ZFR: variants seen among roughly 807,000 people sequenced by gnomAD.
ZFR encodes the protein zinc finger RNA binding protein.
ZFR carries 19 observed loss-of-function variants against 130.7 expected under a neutral mutation model. The ratio of observed to expected loss-of-function variants is 0.15; its 90% CI spans 0.10 to 0.21. ZFR has a LOEUF of 0.21. Among genes scored for constraint, ZFR ranks in the 10% least tolerant of loss-of-function variants. The probability of loss-of-function intolerance (pLI) is 1.00; values close to 1 mark genes in which losing one functional copy is unlikely to be tolerated. For synonymous variants in ZFR, 466 were observed against 456.9 expected (o/e 1.02, Z -0.25); for missense variants, 872 against 1,321.5 (o/e 0.66, Z 5.27).
chr5:32,443,584 C>T (rs1271008636), intron 2 of ZFR, among the ~76,000 whole-genome samples: 1 of 152,382 alleles, frequency 6.6e-6, no homozygotes, highest in African/African-American at 2.4e-5. Flanking sequence ...GAATCTCTCT[C>T]CTTGCAGGAA....
At chr5:32,399,401 T>G (rs1465257110) in intron 9 of ZFR, among the ~76,000 whole-genome samples, 1 of 152,242 alleles carries the variant, frequency 6.6e-6, no homozygotes, top group Non-Finnish European at 1.5e-5. Context: ...TTTATAGATA[T>G]CGACACTGAA....
intron 9 of ZFR, 110 bp downstream of exon 9, chr5:32,399,897 C>A: frequency 9.9e-7 from 1 of 1,010,724 alleles, no homozygotes; most frequent in South Asian, 2.3e-5. Context: ...TTTAAGTAAG[C>A]TAAATCTAAA....
chr5:32,390,150 G>GTC, intron 12 of ZFR, 125 bp downstream of exon 12: 1 of 1,298,184 alleles, frequency 7.7e-7, no homozygotes, highest in South Asian at 1.5e-5. Flanking sequence ...GCAAGACTCT[G>GTC]TCTCAAAAAA....
At chr5:32,407,810 A>G (rs1442562528) in intron 5 of ZFR, among the ~76,000 whole-genome samples, 2 of 152,204 alleles carry the variant, frequency 1.3e-5, no homozygotes, top group African/African-American at 4.8e-5. Context: ...ACATTATGCA[A>G]GCTGTTTATA....
Position 32,395,176 on chromosome 5 carries a change from A to G in ZFR, c.1962T>C (p.Arg654=). The G allele has an allele frequency of 6.2e-7, 1 of 1,601,914 alleles. No homozygotes were observed. The highest frequency in any genetic ancestry group is 8.5e-7 in the Non-Finnish European group (1 of 1,175,074). The stretch of plus-strand genomic sequence containing the variant: ...GATATTACCTCATTTCCATTCTCCA[A>G]CGCTCCTCTTCTTCTCGTCTTCGCC... ...EYWRRREEEE[R]WRMEMRRYEE... is the part of the protein sequence containing the mutation. The change falls in exon 11 of 20, where the codon CGT becomes CGC. Residue 654 remains arginine (R), a synonymous_variant. Coordinates refer to ENST00000265069, the MANE Select transcript of ZFR (RefSeq NM_016107.5).
intron 15 of ZFR, among the ~76,000 whole-genome samples, chr5:32,380,658 T>A (rs867381477): frequency 1.3e-5 from 1 of 76,662 alleles, no homozygotes; most frequent in African/African-American, 3.6e-5. Context: ...TTCTTTTTTT[T>A]TTTTTTTTTT....
intron 17 of ZFR, among the ~76,000 whole-genome samples, chr5:32,367,428 T>G (rs1014500166): frequency 1.3e-5 from 2 of 149,116 alleles, no homozygotes; most frequent in African/African-American, 5.0e-5. Flanking sequence ...AGAGTGAAAC[T>G]CCATCTCAAA....
intron 2 of ZFR, among the ~76,000 whole-genome samples, chr5:32,423,186 A>G (rs887132468): frequency 1.3e-5 from 2 of 152,078 alleles, no homozygotes; most frequent in Admixed American, 6.6e-5. Context: ...CACAAAAATT[A>G]GCCGCGTGTC....
intron 17 of ZFR, among the ~76,000 whole-genome samples, chr5:32,368,395 C>G (rs1221620450): frequency 6.6e-6 from 1 of 152,178 alleles, no homozygotes; most frequent in Non-Finnish European, 1.5e-5. Flanking sequence ...GCCACCACGC[C>G]CAGCTAATTT....
chr5:32,381,292 C>T lies in ZFR; in HGVS notation c.2642-1120G>A, dbSNP rs568708929. 2.0e-5 allele frequency among the ~76,000 whole-genome samples: 3 copies of T among 152,262 alleles called. No individual in the cohort carries two copies. The South Asian group carries it at 6.2e-4, about 32-fold the overall frequency. On this transcript the variant is annotated intron_variant, in intron 15 of 19. Coordinates refer to ENST00000265069, the MANE Select transcript of ZFR (RefSeq NM_016107.5). ...TTCATAAAAGTAGACAAAGGGCTAT[C>T]TTTATATCCATCTAAACATCTGTAA...
chr5:32,407,941 C>T (rs1296272698), intron 5 of ZFR, among the ~76,000 whole-genome samples: 2 of 152,100 alleles, frequency 1.3e-5, no homozygotes, highest in Non-Finnish European at 2.9e-5. Flanking sequence ...TGTTTTCCTA[C>T]AATGCTTTTT....
chr5:32,415,485 A>AGTGTGTGTGTGTGTGTGTGT (rs3065262), intron 4 of ZFR, among the ~76,000 whole-genome samples: 8 of 136,318 alleles, frequency 5.9e-5, no homozygotes, highest in East Asian at 2.3e-4. Context: ...TCTGAAAAGG[A>AGTGTGTGTGTGTGTGTGTGT]GTGTGTGTGT....
chr5:32,402,195 G>C (rs1475346105), intron 8 of ZFR, among the ~76,000 whole-genome samples: 3 of 152,146 alleles, frequency 2.0e-5, no homozygotes, highest in Non-Finnish European at 4.4e-5. Flanking sequence ...TATAATCTTA[G>C]TAACACTACC....
chr5:32,385,746 C>T (rs1753030508), intron 14 of ZFR, 97 bp from the exon 15 acceptor site: 1 of 1,401,464 alleles, frequency 7.1e-7, no homozygotes, highest in Admixed American at 1.9e-5. Flanking sequence ...CTACCCTAAC[C>T]ATTCTATATG....
chr5:32,431,615 T>C (rs1452329653), intron 2 of ZFR, among the ~76,000 whole-genome samples: 1 of 152,210 alleles, frequency 6.6e-6, no homozygotes, highest in African/African-American at 2.4e-5. Flanking sequence ...ACAACATTTC[T>C]TTCTCTTTCA....
chr5:32,391,101 G>A (rs907645622), intron 11 of ZFR, among the ~76,000 whole-genome samples: 1 of 152,158 alleles, frequency 6.6e-6, no homozygotes, highest in African/African-American at 2.4e-5. Context: ...GAAACAATTC[G>A]TAAGTTTTAA....
At chr5:32,415,328 G>T in intron 4 of ZFR, 141 bp from the exon 5 acceptor site, 1 of 650,022 alleles carries the variant, frequency 1.5e-6, no homozygotes, top group Non-Finnish European at 2.6e-6. Context: ...CTTAGCAAAA[G>T]GCATAAAACT....
intron 12 of ZFR, among the ~76,000 whole-genome samples, chr5:32,390,043 T>C (rs1427817560): frequency 6.6e-6 from 1 of 152,138 alleles, no homozygotes; most frequent in Non-Finnish European, 1.5e-5. Flanking sequence ...CCCAGTTACT[T>C]GGAAAGCTGA....
intron 15 of ZFR, among the ~76,000 whole-genome samples, chr5:32,385,175 A>G (rs985173665): frequency 1.3e-5 from 2 of 152,096 alleles, no homozygotes; most frequent in East Asian, 1.9e-4. Context: ...CCCCCTAGTC[A>G]CTAGCAACAT....
Sources: gnomAD v4.1 joint callset for allele counts (sites outside exome capture counted in the v4.1 genomes callset) on GRCh38, gnomAD v4.1.1 for gene constraint, MANE v1.5 for transcripts, NCBI Gene and HGNC (gene_info 2026-07-23, HGNC 2026-07-21) for gene names.